Variants in KLRG1 observed in about 807,000 individuals in gnomAD.
KLRG1 encodes killer cell lectin like receptor G1.
Under a neutral mutation model 21.8 loss-of-function variants are expected in KLRG1, and 16 were observed. That is an observed-to-expected ratio of 0.73 (90% CI 0.50 to 1.11). KLRG1 has a LOEUF of 1.11. Ranked by LOEUF, KLRG1 falls within the 50% of genes most tolerant of loss-of-function variation. The pLI is 0.00. For synonymous variants in KLRG1, 69 were observed against 75.9 expected (o/e 0.91, Z 0.47); for missense variants, 173 against 218.3 (o/e 0.79, Z 1.31).
chr12:9,090,227 TA>T, the KLRG1 span: 1 of 1,476,010 alleles, frequency 6.8e-7, no homozygotes, highest in Non-Finnish European at 9.4e-7. Flanking sequence ...CATCTTAGAA[TA>T]AAAGGCAAAG....
the KLRG1 span, chr12:9,076,805 G>C: frequency 1.9e-6 from 3 of 1,613,894 alleles, no homozygotes; most frequent in Non-Finnish European, 2.5e-6. Context: ...CCTTCCTCTT[G>C]TCCTGGTTAC....
At chr12:9,037,837 C>T in the KLRG1 span, among the ~76,000 whole-genome samples, 3 of 152,132 alleles carry the variant, frequency 2.0e-5, no homozygotes, top group South Asian at 6.2e-4. Context: ...ATTGGCTACA[C>T]CATATAGGCC....
chr12:8,973,490 G>A (rs1946606180), intron 1 of KLRG1, among the ~76,000 whole-genome samples: 1 of 152,136 alleles, frequency 6.6e-6, no homozygotes, highest in African/African-American at 2.4e-5. Flanking sequence ...CGCTCTGGTG[G>A]GCATAGCAAC....
At position 9,010,047 on chromosome 12, in the gene KLRG1, A is replaced by G. The variant is rs1489713909; in HGVS notation, c.*510A>G. 2 of 1,529,106 alleles carry G rather than the reference A, an allele frequency of 1.3e-6. No individual in the cohort carries two copies. Among genetic ancestry groups the G allele is most frequent in the Middle Eastern group, 2.1e-4 (1 of 4,834 alleles). 94.7% of individuals were successfully genotyped at this position (1,529,106 alleles called of 1,614,324 possible). A position where few individuals can be genotyped will look rare whatever the true frequency, so the allele number is the denominator to read the frequency against. ...ATTCTGAAGAATAAACCTAGCTGGC[A>G]TGCTGGTGTGTACCTGTAGTCCTAG... is the stretch of plus-strand genomic sequence containing the variant. On this transcript the variant is annotated 3_prime_UTR_variant, in exon 5 of 5. Coordinates refer to ENST00000356986, the MANE Select transcript of KLRG1 (RefSeq NM_005810.4).
At chr12:9,057,753 C>G in the KLRG1 span, 2 of 152,506 alleles carry the variant, frequency 1.3e-5, no homozygotes, top group Non-Finnish European at 2.9e-5. Context: ...AATGCGGAAC[C>G]AGGGAGGCCT....
the KLRG1 span, chr12:9,151,696 G>C: frequency 6.3e-7 from 1 of 1,594,708 alleles, no homozygotes; most frequent in East Asian, 2.2e-5. Flanking sequence ...GAAAACTTCA[G>C]TTAAAGTTAG....
chr12:8,953,870 T>C (rs558433401), intron 1 of KLRG1, among the ~76,000 whole-genome samples: 23 of 152,164 alleles, frequency 1.5e-4, no homozygotes, highest in Non-Finnish European at 3.1e-4. Context: ...AGGAGTTACT[T>C]AAGTTAAAGG....
At chr12:8,981,291 T>C (rs1057134825) in intron 1 of KLRG1, among the ~76,000 whole-genome samples, 1 of 152,128 alleles carries the variant, frequency 6.6e-6, no homozygotes, top group African/African-American at 2.4e-5. Flanking sequence ...ATTCTGTCTT[T>C]TCTTCTACTT....
the KLRG1 span, among the ~76,000 whole-genome samples, chr12:9,122,638 T>G: frequency 4.7e-4 from 72 of 152,296 alleles, no homozygotes; most frequent in East Asian, 0.012. Context: ...TAAAAGATTA[T>G]TTTGCTAATA....
the KLRG1 span, chr12:9,153,105 A>AT: frequency 6.2e-7 from 1 of 1,612,866 alleles, no homozygotes; most frequent in Non-Finnish European, 8.5e-7. Context: ...ACTCTCACCC[A>AT]TATAAGCTTG....
At chr12:8,953,837 T>C (rs1359375572) in intron 1 of KLRG1, among the ~76,000 whole-genome samples, 2 of 152,166 alleles carry the variant, frequency 1.3e-5, no homozygotes, top group Non-Finnish European at 2.9e-5. Flanking sequence ...CTGTTACTTC[T>C]AGGGCTGAAG....
the KLRG1 span, chr12:9,204,080 G>C: frequency 1.1e-6 from 1 of 927,184 alleles, no homozygotes; most frequent in Non-Finnish European, 1.6e-6. Context: ...AATGGACTAA[G>C]TCAATGGAGG....
At chr12:9,021,821 A>C in the KLRG1 span, among the ~76,000 whole-genome samples, 4 of 152,120 alleles carry the variant, frequency 2.6e-5, no homozygotes, top group African/African-American at 9.7e-5. Flanking sequence ...CCTTCTTCGG[A>C]AGTAAGGCAT....
chr12:9,026,486 T>G, the KLRG1 span, among the ~76,000 whole-genome samples: 4 of 152,202 alleles, frequency 2.6e-5, no homozygotes, highest in African/African-American at 9.7e-5. Context: ...GTGTTCTCAA[T>G]GTTTTAAATT....
At chr12:9,168,873 A>C in the KLRG1 span, 2 of 1,611,804 alleles carry the variant, frequency 1.2e-6, no homozygotes, top group Middle Eastern at 1.7e-4. Flanking sequence ...TTTTACCTCC[A>C]TAGTATCCTT....
intron 1 of KLRG1, among the ~76,000 whole-genome samples, chr12:8,969,378 TGCAGTCA>T (rs1946531254): frequency 6.6e-6 from 1 of 152,186 alleles, no homozygotes; most frequent in African/African-American, 2.4e-5. Flanking sequence ...TGTTGCTCAG[TGCAGTCA>T]GCCGTTCTTG....
the KLRG1 span, chr12:9,094,921 T>A: frequency 9.8e-7 from 1 of 1,023,646 alleles, no homozygotes; most frequent in East Asian, 2.9e-5. Flanking sequence ...TTAAAAAATT[T>A]AAAATTTGGT....
the KLRG1 span, chr12:9,151,591 T>C: frequency 1.2e-6 from 2 of 1,610,892 alleles, no homozygotes; most frequent in African/African-American, 1.3e-5. Context: ...AGCCAGGATG[T>C]CAGAGCCCTC....
chr12:9,035,447 G>C, the KLRG1 span, among the ~76,000 whole-genome samples: 12,489 of 151,948 alleles, frequency 0.082, 815 homozygotes, highest in African/African-American at 0.18. Flanking sequence ...GGGCCTGTCA[G>C]GGGGTAGGGA....
Sources: gnomAD v4.1 joint callset for allele counts (sites outside exome capture counted in the v4.1 genomes callset) on GRCh38, gnomAD v4.1.1 for gene constraint, MANE v1.5 for transcripts, NCBI Gene and HGNC (gene_info 2026-07-23, HGNC 2026-07-21) for gene names.